The following NRG1 variants were observed in gnomAD, a reference collection of about 807,000 sequenced individuals.
NRG1 encodes neuregulin 1, also known as pro-neuregulin-1, membrane-bound isoform.
A neutral mutation model predicts 63.8 loss-of-function variants in NRG1; 18 were observed. The ratio of observed to expected loss-of-function variants is 0.28; its 90% CI spans 0.19 to 0.42. The LOEUF (loss-of-function observed/expected upper bound fraction) is 0.42. Ranked by LOEUF, NRG1 falls within the 10% of genes least tolerant of loss-of-function variation. The pLI, the probability that NRG1 is intolerant of heterozygous loss-of-function variation, is 1.00. For synonymous variants in NRG1, 302 were observed against 301.3 expected (o/e 1.00, Z -0.02); for missense variants, 762 against 814.7 (o/e 0.94, Z 0.79).
intron 1 of NRG1, among the ~76,000 whole-genome samples, chr8:32,473,878 G>T (rs542515269): frequency 4.1e-4 from 63 of 152,118 alleles, no homozygotes; most frequent in African/African-American, 1.5e-3. Flanking sequence ...TAGAGACGAT[G>T]TCTCGCCATG....
At chr8:32,543,949 T>G (rs13259277), upstream of NRG1, among the ~76,000 whole-genome samples, 23,276 of 152,186 alleles carry the variant, frequency 0.15, 2,000 homozygotes, top group Middle Eastern at 0.2. Context: ...AGAGTCTAAC[T>G]GAACACACAG....
At position 31,892,625 on chromosome 8, in the gene NRG1, T is replaced by G. The variant is rs138759087; in HGVS notation, c.37+253194T>G. Among the ~76,000 whole-genome samples the G allele has an allele frequency of 1.4e-3, 215 of 152,240 alleles. 1 individual carries two copies. Among genetic ancestry groups the G allele is most frequent in the African/African-American group, 5.0e-3 (207 of 41,574 alleles). On this transcript the variant is annotated intron_variant, in intron 1 of 10. Transcript: ENST00000519301. ...TTTCATTACAGACTTAAAATGTTCT[T>G]CCTTTTATCTCTGGGGGTTTGATAA...
intron 1 of NRG1, among the ~76,000 whole-genome samples, chr8:32,376,926 A>G (rs1809706075): frequency 6.6e-6 from 1 of 152,222 alleles, no homozygotes; most frequent in East Asian, 1.9e-4. Context: ...CAAGGAGCCC[A>G]TTTTATTTTC....
intron 1 of NRG1, among the ~76,000 whole-genome samples, chr8:31,887,077 A>T (rs1489208232): frequency 3.3e-5 from 5 of 152,056 alleles, no homozygotes; most frequent in Non-Finnish European, 1.5e-5. Context: ...AGAAAAGAAA[A>T]CTTAATCAGT....
intron 5 of NRG1, among the ~76,000 whole-genome samples, chr8:32,645,959 T>C (rs775868077): frequency 4.6e-5 from 7 of 152,172 alleles, no homozygotes; most frequent in Admixed American, 1.3e-4. Flanking sequence ...AAAGGCATGC[T>C]CTCATAGAAA....
At chr8:32,078,655 A>G (rs1826975681) in intron 1 of NRG1, among the ~76,000 whole-genome samples, 1 of 152,146 alleles carries the variant, frequency 6.6e-6, no homozygotes, top group Non-Finnish European at 1.5e-5. Context: ...AGTTTTATGA[A>G]TGGGTGTCTC....
intron 1 of NRG1, among the ~76,000 whole-genome samples, chr8:32,403,659 T>C (rs893416249): frequency 1.3e-5 from 2 of 152,194 alleles, no homozygotes; most frequent in Admixed American, 1.3e-4. Context: ...GAGATATAGA[T>C]AGTACCCACC....
intron 2 of NRG1, among the ~76,000 whole-genome samples, chr8:32,600,767 A>G (rs1161979995): frequency 6.6e-6 from 1 of 152,164 alleles, no homozygotes; most frequent in East Asian, 1.9e-4. Context: ...TGAAAAAATT[A>G]TTTTAAACAC....
intron 1 of NRG1, among the ~76,000 whole-genome samples, chr8:32,257,003 G>T (rs1849799719): frequency 5.3e-5 from 8 of 152,182 alleles, no homozygotes. Flanking sequence ...GGAATCTAGA[G>T]AGGCAATCTG....
At chr8:32,454,290 A>T (rs1821329753) in intron 1 of NRG1, among the ~76,000 whole-genome samples, 1 of 152,184 alleles carries the variant, frequency 6.6e-6, no homozygotes, top group African/African-American at 2.4e-5. Context: ...AATTATTGGC[A>T]GCTATGAATT....
chr8:31,898,926 C>T (rs1831833292), intron 1 of NRG1, among the ~76,000 whole-genome samples: 1 of 152,002 alleles, frequency 6.6e-6, no homozygotes, highest in Non-Finnish European at 1.5e-5. Context: ...TACTGTGTTT[C>T]TCCTTCACTC....
At chr8:31,984,212 A>G (rs957530074) in intron 1 of NRG1, among the ~76,000 whole-genome samples, 2 of 152,156 alleles carry the variant, frequency 1.3e-5, no homozygotes, top group East Asian at 3.9e-4. Context: ...AAATTCTGAA[A>G]GATACAAGTT....
chr8:31,757,007 A>T (rs1018021476), intron 1 of NRG1, among the ~76,000 whole-genome samples: 5 of 152,204 alleles, frequency 3.3e-5, no homozygotes, highest in Admixed American at 3.3e-4. Flanking sequence ...TCCGCATTCA[A>T]TATCACCATT....
chr8:32,277,262 TA>T (rs980235823), intron 1 of NRG1, among the ~76,000 whole-genome samples: 3 of 152,228 alleles, frequency 2.0e-5, no homozygotes, highest in African/African-American at 7.2e-5. Context: ...TTAATATTTT[TA>T]AACATGATTT....
chr8:32,646,058 G>A (rs1853461376), intron 5 of NRG1, among the ~76,000 whole-genome samples: 1 of 152,184 alleles, frequency 6.6e-6, no homozygotes, highest in Non-Finnish European at 1.5e-5. Flanking sequence ...GCAGTGTGGA[G>A]TCACCATGAA....
At chr8:32,322,464 G>T (rs1055129608) in intron 1 of NRG1, among the ~76,000 whole-genome samples, 3 of 151,838 alleles carry the variant, frequency 2.0e-5, no homozygotes, top group South Asian at 4.2e-4. Flanking sequence ...TAGAATAATT[G>T]CAGAATAGAA....
At position 32,083,793 on chromosome 8, in the gene NRG1, TAAAAG is replaced by T. The variant is rs1375430039; in HGVS notation, c.37+444366_37+444370del. 3.3e-5 allele frequency among the ~76,000 whole-genome samples: 5 copies of T among 150,542 alleles called. No homozygotes were observed. In the East Asian group the frequency reaches 9.8e-4, roughly 30 times the overall value. On this transcript the variant is annotated intron_variant, in intron 1 of 10. Transcript: ENST00000519301. The stretch of plus-strand genomic sequence containing the variant: ...ATACAGTATATATGTATTTTTTTAA[TAAAAG>T]AAAGTGACATATATTGTAGTTCAAT...
At chr8:32,764,274 C>T (rs754099403) in exon 12 of NRG1, 1 of 1,614,092 alleles carries the variant, frequency 6.2e-7, no homozygotes, top group Non-Finnish European at 8.5e-7. Flanking sequence ...GGCAGCCAGT[C>T]TTGAGGCAAC....
chr8:32,535,788 G>A (rs570322452), intron 1 of NRG1, among the ~76,000 whole-genome samples: 16 of 152,150 alleles, frequency 1.1e-4, no homozygotes, highest in African/African-American at 2.7e-4. Context: ...CCATGTCAGC[G>A]CACTTTTTGT....
Sources: gnomAD v4.1 joint callset for allele counts (sites outside exome capture counted in the v4.1 genomes callset) on GRCh38, gnomAD v4.1.1 for gene constraint, MANE v1.5 for transcripts, NCBI Gene and HGNC (gene_info 2026-07-23, HGNC 2026-07-21) for gene names.